The following SLC39A11 variants were observed in gnomAD, a reference collection of about 807,000 sequenced individuals.
SLC39A11 encodes the protein solute carrier family 39 member 11, also known as zinc transporter ZIP11.
A neutral mutation model predicts 36.1 loss-of-function variants in SLC39A11; 33 were observed. The ratio of observed to expected loss-of-function variants is 0.91; its 90% confidence interval spans 0.69 to 1.22. SLC39A11 has a LOEUF of 1.22. Ranked by LOEUF, SLC39A11 falls within the 50% of genes most tolerant of loss-of-function variation. SLC39A11 has a pLI of 0.00. For synonymous variants in SLC39A11, 166 were observed against 170.3 expected, an observed-to-expected ratio of 0.97 and a Z score of 0.20; for missense variants, 432 against 430.3, an observed-to-expected ratio of 1.00 and a Z score of -0.03.
intron 6 of SLC39A11, among the ~76,000 whole-genome samples, chr17:72,832,391 T>C (rs553676610): frequency 2.0e-5 from 3 of 152,352 alleles, no homozygotes; most frequent in Admixed American, 2.0e-4. Flanking sequence ...AACAACCTAT[T>C]TTTTTCTATC....
intron 5 of SLC39A11, among the ~76,000 whole-genome samples, chr17:72,870,267 T>C (rs2080539343): frequency 6.6e-6 from 1 of 152,098 alleles, no homozygotes; most frequent in African/African-American, 2.4e-5. Flanking sequence ...CTTGGGAATG[T>C]CCTCTTCCTC....
At chr17:72,975,512 T>C (rs936311973) in intron 4 of SLC39A11, among the ~76,000 whole-genome samples, 3 of 152,214 alleles carry the variant, frequency 2.0e-5, no homozygotes, top group African/African-American at 7.2e-5. Flanking sequence ...CCTTCCGCCA[T>C]GTAAGGACAC....
intron 7 of SLC39A11, among the ~76,000 whole-genome samples, chr17:72,668,267 G>C (rs1218324413): frequency 1.3e-5 from 2 of 151,594 alleles, no homozygotes; most frequent in Admixed American, 6.6e-5. Flanking sequence ...TACCTGGTGG[G>C]CTTTTCTCTC....
chr17:72,891,755 A>G (rs928778960), intron 5 of SLC39A11, among the ~76,000 whole-genome samples: 4 of 151,968 alleles, frequency 2.6e-5, no homozygotes, highest in African/African-American at 9.7e-5. Context: ...TATATAATAT[A>G]AAGCCAATAG....
chr17:72,946,824 G>A (rs2085459743), intron 5 of SLC39A11, among the ~76,000 whole-genome samples: 1 of 152,164 alleles, frequency 6.6e-6, no homozygotes, highest in African/African-American at 2.4e-5. Flanking sequence ...GTCTGACCCC[G>A]AGGCTGGAAA....
At chr17:72,926,311 A>G (rs1468635861) in intron 5 of SLC39A11, among the ~76,000 whole-genome samples, 1 of 152,210 alleles carries the variant, frequency 6.6e-6, no homozygotes, top group African/African-American at 2.4e-5. Flanking sequence ...TTCTTACTGT[A>G]GCCTCTCACC....
chr17:72,916,979 T>C (rs901224142), intron 5 of SLC39A11, among the ~76,000 whole-genome samples: 7 of 152,194 alleles, frequency 4.6e-5, no homozygotes, highest in Non-Finnish European at 2.9e-5. Context: ...TAAAAGGAAG[T>C]TGGAGAGGGT....
chr17:72,724,123 C>A (rs1431179536), intron 7 of SLC39A11, among the ~76,000 whole-genome samples: 1 of 151,052 alleles, frequency 6.6e-6, no homozygotes, highest in African/African-American at 2.4e-5. Context: ...TTCTGTAAAA[C>A]GTTGCTCTTA....
At chr17:72,665,277 C>T (rs2070678635) in intron 7 of SLC39A11, among the ~76,000 whole-genome samples, 1 of 152,072 alleles carries the variant, frequency 6.6e-6, no homozygotes, top group East Asian at 1.9e-4. Context: ...TCTTGATTGC[C>T]ACCTCATGAG....
chr17:72,894,125 G>A (rs1462906482), intron 5 of SLC39A11, among the ~76,000 whole-genome samples: 1 of 152,070 alleles, frequency 6.6e-6, no homozygotes, highest in Non-Finnish European at 1.5e-5. Context: ...ACTTTGGGAG[G>A]CTGAAGTGGA....
At chr17:72,967,113 T>C (rs2147998388) in intron 4 of SLC39A11, among the ~76,000 whole-genome samples, 1 of 152,272 alleles carries the variant, frequency 6.6e-6, no homozygotes, top group African/African-American at 2.4e-5. Context: ...CTCCCACTGA[T>C]TGTCCATTAT....
intron 4 of SLC39A11, among the ~76,000 whole-genome samples, chr17:72,999,420 A>C (rs1423087655): frequency 6.6e-6 from 1 of 152,196 alleles, no homozygotes; most frequent in Non-Finnish European, 1.5e-5. Flanking sequence ...CAGGAATCTC[A>C]TAGGGCTTAG....
At chr17:72,881,563 T>C (rs1418233652) in intron 5 of SLC39A11, among the ~76,000 whole-genome samples, 1 of 152,242 alleles carries the variant, frequency 6.6e-6, no homozygotes. Flanking sequence ...AAAGAGAATA[T>C]GATATATGTC....
chr17:72,775,510 C>A (rs2076101752), intron 6 of SLC39A11, among the ~76,000 whole-genome samples: 1 of 152,126 alleles, frequency 6.6e-6, no homozygotes, highest in Admixed American at 6.5e-5. Flanking sequence ...GAAAGCCGAG[C>A]TAACAAATGG....
In SLC39A11 at chr17:73,016,816, C is replaced by T. The variant is rs531097358; in HGVS notation, c.306+14740G>A. Among the ~76,000 whole-genome samples, 5 of 152,302 alleles carry T rather than the reference C, an allele frequency of 3.3e-5. No individual in the cohort carries two copies. In the South Asian group the frequency reaches 8.3e-4, roughly 25 times the overall value. Reference sequence around the variant, plus strand: ...ATGAGGGTCAGCCTTCAGTTGGTTCCCTGAATCAGCCAGTGTCCTGGCTCT... The same window carrying T: ...ATGAGGGTCAGCCTTCAGTTGGTTCTCTGAATCAGCCAGTGTCCTGGCTCT... On this transcript the variant is annotated intron_variant, in intron 4 of 9. Transcript: ENST00000255559.
chr17:72,711,998 T>G lies in SLC39A11; in HGVS notation c.671+24652A>C, dbSNP rs75027162. Among the ~76,000 whole-genome samples, 801 of 152,338 alleles carry G rather than the reference T, an allele frequency of 5.3e-3. 6 individuals are homozygous for G. The highest frequency in any genetic ancestry group is 0.014 in the African/African-American group (593 of 41,578). The stretch of plus-strand genomic sequence containing the variant: ...GTACCTTGAACAGAAGCAGTTAAAA[T>G]GAAGGCTGCAAAGCACAGGGCTTAG... On this transcript the variant is annotated intron_variant, in intron 7 of 9. Transcript: ENST00000255559.
intron 7 of SLC39A11, among the ~76,000 whole-genome samples, chr17:72,692,904 G>A (rs1047885726): frequency 1.3e-5 from 2 of 152,120 alleles, no homozygotes; most frequent in Middle Eastern, 3.2e-3. Context: ...TCATCTGGAC[G>A]GGGCTCAGAC....
At chr17:72,950,186 T>C (rs977373477) in intron 4 of SLC39A11, among the ~76,000 whole-genome samples, 1 of 152,224 alleles carries the variant, frequency 6.6e-6, no homozygotes, top group Non-Finnish European at 1.5e-5. Flanking sequence ...TCTATGAATG[T>C]CTTTTAATAA....
At chr17:72,845,843 T>C (rs1403796756) in intron 6 of SLC39A11, among the ~76,000 whole-genome samples, 2 of 152,204 alleles carry the variant, frequency 1.3e-5, no homozygotes, top group Non-Finnish European at 2.9e-5. Flanking sequence ...ATTACCACCA[T>C]GCTTCTGGTG....
Sources: gnomAD v4.1 joint callset for allele counts (sites outside exome capture counted in the v4.1 genomes callset) on GRCh38, gnomAD v4.1.1 for gene constraint, MANE v1.5 for transcripts, NCBI Gene and HGNC (gene_info 2026-07-23, HGNC 2026-07-21) for gene names.